Variants in TMEM132D observed in about 807,000 individuals in gnomAD.
TMEM132D encodes the protein mature OL transmembrane protein.
In TMEM132D, 21 loss-of-function variants were observed where a neutral mutation model predicts 62.3. That is an observed-to-expected ratio of 0.34 (90% confidence interval 0.24 to 0.49). TMEM132D has a LOEUF of 0.49. Among genes scored for constraint, TMEM132D ranks in the 20% least tolerant of loss-of-function variants. TMEM132D has a pLI of 0.99. For synonymous variants in TMEM132D, 621 were observed against 575.6 expected, an observed-to-expected ratio of 1.08 and a Z score of -1.13; for missense variants, 1,346 against 1,402.8, an observed-to-expected ratio of 0.96 and a Z score of 0.65.
At chr12:129,518,083 GT>G (rs919458757) in intron 3 of TMEM132D, among the ~76,000 whole-genome samples, 12 of 152,152 alleles carry the variant, frequency 7.9e-5, no homozygotes, top group Admixed American at 2.6e-4. Flanking sequence ...TTCAAAGAAA[GT>G]TTTTTCCCCC....
chr12:129,897,096 A>C (rs918325478), intron 1 of TMEM132D, among the ~76,000 whole-genome samples: 1 of 152,172 alleles, frequency 6.6e-6, no homozygotes, highest in Non-Finnish European at 1.5e-5. Flanking sequence ...GTACCCCTTA[A>C]TTCTTCCTAC....
chr12:129,078,163 G>A (rs1000619065), intron 8 of TMEM132D, among the ~76,000 whole-genome samples: 6 of 152,224 alleles, frequency 3.9e-5, no homozygotes, highest in Admixed American at 6.5e-5. Flanking sequence ...GAGCCTGCAC[G>A]TGCCCTCATG....
chr12:129,600,379 G>A (rs1185756698), intron 2 of TMEM132D, among the ~76,000 whole-genome samples: 1 of 152,168 alleles, frequency 6.6e-6, no homozygotes, highest in Non-Finnish European at 1.5e-5. Context: ...GAAGTCTTGA[G>A]CCCCTCAAAG....
chr12:129,783,630 G>A (rs1443620575), intron 1 of TMEM132D, among the ~76,000 whole-genome samples: 1 of 152,198 alleles, frequency 6.6e-6, no homozygotes. Flanking sequence ...TTCAAGATCT[G>A]ATAGGTGTTT....
intron 2 of TMEM132D, among the ~76,000 whole-genome samples, chr12:129,612,847 C>G (rs1878812707): frequency 6.6e-6 from 1 of 152,174 alleles, no homozygotes. Flanking sequence ...AGCCTGGCGA[C>G]AGAGCGAGAC....
intron 5 of TMEM132D, among the ~76,000 whole-genome samples, chr12:129,109,054 T>C (rs144807521): frequency 6.6e-6 from 1 of 152,342 alleles, no homozygotes; most frequent in East Asian, 1.9e-4. Flanking sequence ...CTTTGTACTA[T>C]TACCAGAGAT....
intron 1 of TMEM132D, among the ~76,000 whole-genome samples, chr12:129,799,324 T>C (rs1208086984): frequency 6.6e-6 from 1 of 150,848 alleles, no homozygotes. Flanking sequence ...TACACACACA[T>C]ATTATATATG....
intron 2 of TMEM132D, among the ~76,000 whole-genome samples, chr12:129,556,507 G>A (rs1232963442): frequency 6.6e-6 from 1 of 151,888 alleles, no homozygotes; most frequent in Non-Finnish European, 1.5e-5. Flanking sequence ...AGAAGCAGAG[G>A]GTTGTCTCAG....
chr12:129,099,505 C>G (rs1358596204), intron 5 of TMEM132D, among the ~76,000 whole-genome samples: 2 of 152,334 alleles, frequency 1.3e-5, no homozygotes, highest in Admixed American at 1.3e-4. Flanking sequence ...CAGATGCCCC[C>G]TCACAGAAGC....
At chr12:129,861,731 G>A (rs886542508) in intron 1 of TMEM132D, among the ~76,000 whole-genome samples, 13 of 138,918 alleles carry the variant, frequency 9.4e-5, no homozygotes, top group Non-Finnish European at 1.7e-4. Context: ...TCCAGCCTGG[G>A]CAACAGAGAG....
intron 8 of TMEM132D, among the ~76,000 whole-genome samples, chr12:129,077,236 C>G (rs1454928341): frequency 6.6e-6 from 1 of 152,184 alleles, no homozygotes; most frequent in Non-Finnish European, 1.5e-5. Context: ...CAGGGAAGGC[C>G]TGGTACCTCA....
chr12:129,873,867 C>T lies in TMEM132D; in HGVS notation c.79+29394G>A, dbSNP rs150582595. Among the ~76,000 whole-genome samples the T allele has an allele frequency of 3.1e-3, 478 of 152,276 alleles. 3 individuals carry two copies. The highest frequency in any genetic ancestry group is 0.011 in the African/African-American group (459 of 41,552). On this transcript the variant is annotated intron_variant, in intron 1 of 8. Coordinates refer to ENST00000422113, the MANE Select transcript of TMEM132D (RefSeq NM_133448.3). Reference sequence around the variant, plus strand: ...TAGGCTGAACTGAGAATTCATGAGACGATAAATTTTAAAAATGTAAAGTGA... The same window carrying T: ...TAGGCTGAACTGAGAATTCATGAGATGATAAATTTTAAAAATGTAAAGTGA...
chr12:129,093,048 G>GA (rs1269883999), intron 5 of TMEM132D, among the ~76,000 whole-genome samples: 3 of 152,190 alleles, frequency 2.0e-5, no homozygotes, highest in South Asian at 2.1e-4. Context: ...GGACGCACTG[G>GA]AGGACACACT....
In TMEM132D at chr12:129,516,614, C is replaced by A. The variant is rs199883607; in HGVS notation, c.1115+14445G>T. 3.3e-5 allele frequency among the ~76,000 whole-genome samples: 5 copies of A among 152,162 alleles called. No individual in the cohort carries two copies. In the East Asian group the frequency reaches 9.6e-4, roughly 29 times the overall value. ...CTGCCCCCATGATTCCATTATCTCC[C>A]ACTGGGTCCTTCCCACAACATGTGG... On this transcript the variant is annotated intron_variant, in intron 3 of 8. Coordinates refer to ENST00000422113, the MANE Select transcript of TMEM132D (RefSeq NM_133448.3).
chr12:129,372,382 A>T (rs1870636156), intron 3 of TMEM132D, among the ~76,000 whole-genome samples: 1 of 152,178 alleles, frequency 6.6e-6, no homozygotes, highest in Non-Finnish European at 1.5e-5. Context: ...GTGAAGCTTC[A>T]TCTGTATTTA....
chr12:129,238,561 T>C (rs1460650830), intron 4 of TMEM132D, among the ~76,000 whole-genome samples: 1 of 152,206 alleles, frequency 6.6e-6, no homozygotes, highest in Non-Finnish European at 1.5e-5. Flanking sequence ...GTACCTCATA[T>C]AAGTAGAGTC....
intron 5 of TMEM132D, chr12:129,110,477 TATAAC>T (rs1270163346): frequency 1.3e-5 from 2 of 152,226 alleles, no homozygotes; most frequent in Non-Finnish European, 2.9e-5. Context: ...GTTTGTGAAA[TATAAC>T]ATATATACCA....
chr12:129,864,347 C>G (rs752808524), intron 1 of TMEM132D, among the ~76,000 whole-genome samples: 16 of 152,230 alleles, frequency 1.1e-4, no homozygotes, highest in Non-Finnish European at 1.9e-4. Context: ...AGGGCTGCGT[C>G]TGAATTTCTC....
At chr12:129,283,734 G>A (rs1199389140) in intron 4 of TMEM132D, among the ~76,000 whole-genome samples, 4 of 152,200 alleles carry the variant, frequency 2.6e-5, no homozygotes, top group African/African-American at 9.7e-5. Context: ...TACACAAGAT[G>A]AGAATGTCCA....
Sources: allele counts gnomAD v4.1 joint callset (sites outside exome capture counted in the v4.1 genomes callset), GRCh38; gene constraint gnomAD v4.1.1; transcripts MANE v1.5; gene names NCBI Gene and HGNC (gene_info 2026-07-23, HGNC 2026-07-21).